Variants in FNDC3B observed in about 807,000 individuals in gnomAD.
The protein encoded by FNDC3B is fibronectin type III domain containing 3B.
A neutral mutation model predicts 151.5 loss-of-function variants in FNDC3B; 12 were observed. That is an observed-to-expected ratio of 0.08 (90% CI 0.05 to 0.13). The LOEUF is 0.13. Among genes scored for constraint, FNDC3B ranks in the 10% least tolerant of loss-of-function variants. FNDC3B has a pLI of 1.00. For synonymous variants in FNDC3B, 528 were observed against 549.0 expected, an observed-to-expected ratio of 0.96 and a Z score of 0.54; for missense variants, 1,214 against 1,505.3, an observed-to-expected ratio of 0.81 and a Z score of 3.20.
chr3:172,330,385 G>A (rs888123242), intron 12 of FNDC3B, 156 bp from the exon 13 acceptor site: 4 of 558,602 alleles, frequency 7.2e-6, no homozygotes, highest in South Asian at 5.4e-5. Context: ...AGCTGAAGGT[G>A]GTTATAGGGA....
At chr3:172,042,878 T>C (rs1227833638) in intron 1 of FNDC3B, among the ~76,000 whole-genome samples, 4 of 151,270 alleles carry the variant, frequency 2.6e-5, no homozygotes, top group Non-Finnish European at 5.9e-5. Context: ...TCGCCCAGGC[T>C]GGAGTGAGTG....
At chr3:172,133,360 A>G in intron 2 of FNDC3B, 111 bp from the exon 3 acceptor site, 1 of 827,084 alleles carries the variant, frequency 1.2e-6, no homozygotes, top group Non-Finnish European at 1.9e-6. Flanking sequence ...TTGTGTTTAT[A>G]AAAGATTTTA....
At chr3:172,338,379 A>C (rs933957083) in intron 16 of FNDC3B, 3 of 151,412 alleles carry the variant, frequency 2.0e-5, no homozygotes, top group African/African-American at 7.3e-5. Context: ...GGGAAGGTGG[A>C]GATAGTGAAA....
At chr3:172,229,434 T>C (rs1401850922) in intron 4 of FNDC3B, among the ~76,000 whole-genome samples, 1 of 152,040 alleles carries the variant, frequency 6.6e-6, no homozygotes, top group Non-Finnish European at 1.5e-5. Flanking sequence ...ATACACACTT[T>C]CATGTCCATT....
At chr3:172,145,746 A>G (rs1244475208) in intron 3 of FNDC3B, among the ~76,000 whole-genome samples, 1 of 152,004 alleles carries the variant, frequency 6.6e-6, no homozygotes, top group Non-Finnish European at 1.5e-5. Flanking sequence ...TGTTCTGTTG[A>G]GGAAGAGTAA....
chr3:172,145,778 G>T (rs922572827), intron 3 of FNDC3B, among the ~76,000 whole-genome samples: 4 of 149,738 alleles, frequency 2.7e-5, no homozygotes, highest in Non-Finnish European at 5.9e-5. Flanking sequence ...AGTATAAATT[G>T]TCTTTGAGTG....
At position 172,400,694 on chromosome 3, in the gene FNDC3B, C is replaced by A. The variant is rs1206968968; in HGVS notation, c.*3219C>A. ...TGCCCAATAAATGTTTTAATTCTTT[C>A]TGACTTAAATAGGGTTTTTCTGCCA... On this transcript the variant is annotated 3_prime_UTR_variant, in exon 26 of 26. Coordinates refer to ENST00000415807, the MANE Select transcript of FNDC3B (RefSeq NM_022763.4). 2.0e-5 allele frequency: 3 copies of A among 151,946 alleles called. No individual in the cohort carries two copies. The highest frequency in any genetic ancestry group is 4.4e-5 in the Non-Finnish European group (3 of 67,952). 9.4% of individuals were successfully genotyped at this position (151,946 alleles called of 1,614,324 possible).
At position 172,251,483 on chromosome 3, in the gene FNDC3B, T is replaced by G. The variant is rs1728075413; in HGVS notation, c.732T>G (p.Ile244Met). ...GCGGCAGCGGTAGTGGTCCCGGAAT[T>G]AAGAAAACAGAGCGACGAGCAAGAA... is the stretch of plus-strand genomic sequence containing the variant. ...GGGGSGSGPGIKKTERRARSS... is the reference protein window; with the variant it reads ...GGGGSGSGPGMKKTERRARSS... Residue 244 changes from isoleucine (I) to methionine (M), a missense_variant, in exon 6 of 26, where the codon ATT (isoleucine) becomes ATG (methionine). Ile to Met is a conservative substitution (Grantham distance 10). Transcript: ENST00000415807. 6.2e-7 allele frequency: 1 copy of G among 1,614,016 alleles called. No individual in the cohort carries two copies. Among genetic ancestry groups the G allele is most frequent in the Non-Finnish European group, 8.5e-7 (1 of 1,179,970 alleles).
intron 22 of FNDC3B, among the ~76,000 whole-genome samples, chr3:172,360,650 A>G (rs1734312084): frequency 6.6e-6 from 1 of 152,106 alleles, no homozygotes; most frequent in African/African-American, 2.4e-5. Context: ...CCTCCTATTG[A>G]TATCCAATTA....
At chr3:172,263,346 G>T (rs1728749404) in intron 6 of FNDC3B, among the ~76,000 whole-genome samples, 1 of 151,994 alleles carries the variant, frequency 6.6e-6, no homozygotes, top group South Asian at 2.1e-4. Flanking sequence ...TTTCAAACCA[G>T]GAGGGATGGA....
In FNDC3B at chr3:172,220,968, A is replaced by G. The variant is rs1008361695; in HGVS notation, c.188-5903A>G. On this transcript the variant is annotated intron_variant, in intron 3 of 25. Coordinates refer to ENST00000415807, the MANE Select transcript of FNDC3B (RefSeq NM_022763.4). ...AATCTTCTTTTTCATGCTACTATTTAGCAGTGTTTTGTAGTTTCAGTATAT... is the reference window on the plus strand; with the variant it reads ...AATCTTCTTTTTCATGCTACTATTTGGCAGTGTTTTGTAGTTTCAGTATAT... Among the ~76,000 whole-genome samples, 20 of 152,292 alleles carry G rather than the reference A, an allele frequency of 1.3e-4. No homozygotes were observed. In the South Asian group the frequency reaches 3.9e-3, roughly 30 times the overall value.
At position 172,307,360 on chromosome 3, in the gene FNDC3B, C is replaced by T; in HGVS notation, c.1062-3C>T. The T allele has an allele frequency of 6.2e-7, 1 of 1,614,024 alleles. No individual in the cohort carries two copies. Among genetic ancestry groups the T allele is most frequent in the South Asian group, 1.1e-5 (1 of 91,074 alleles). Reference sequence around the variant, plus strand: ...CCACTGACTGTGTCTGTTTTGTTTTCAGGGTGTATGCCATGTACAATTCCG... The same window carrying T: ...CCACTGACTGTGTCTGTTTTGTTTTTAGGGTGTATGCCATGTACAATTCCG... On this transcript the variant is annotated splice_polypyrimidine_tract_variant and splice_region_variant and intron_variant, in intron 9 of 25. Coordinates refer to ENST00000415807, the MANE Select transcript of FNDC3B (RefSeq NM_022763.4).
chr3:172,149,141 A>C (rs1190823203), intron 3 of FNDC3B, among the ~76,000 whole-genome samples: 1 of 152,150 alleles, frequency 6.6e-6, no homozygotes, highest in Non-Finnish European at 1.5e-5. Flanking sequence ...GTTTCCCTTC[A>C]CTGATACAAA....
chr3:172,155,998 T>C (rs574431504), intron 3 of FNDC3B, among the ~76,000 whole-genome samples: 18 of 152,288 alleles, frequency 1.2e-4, no homozygotes, highest in Non-Finnish European at 2.5e-4. Context: ...AGAAAAAAAA[T>C]TGCCCAGAGA....
rs113981921 is a variant in FNDC3B at position 172,144,240 on chromosome 3, C to T, written c.187+10694C>T. On this transcript the variant is annotated intron_variant, in intron 3 of 25. Transcript: ENST00000415807. ...ATCTCCTGTGCACTGAATGAGAACT[C>T]ACTCATCACCATGGGGATGGTGCTA... is the stretch of plus-strand genomic sequence containing the variant. 5.3e-3 allele frequency among the ~76,000 whole-genome samples: 801 copies of T among 152,236 alleles called. 3 individuals are homozygous for T. The highest frequency in any genetic ancestry group is 9.5e-3 in the Non-Finnish European group (645 of 68,018).
At position 172,401,612 on chromosome 3, in the gene FNDC3B, G is replaced by C. The variant is rs117004117; in HGVS notation, c.*4137G>C. The C allele has an allele frequency of 2.6e-5, 4 of 152,320 alleles. No homozygotes were observed. In the East Asian group the frequency reaches 7.7e-4, roughly 29 times the overall value. The allele number at this position is 152,320 out of a possible 1,614,324, so 9.4% of individuals were successfully genotyped here. Reference sequence around the variant, plus strand: ...TAGAGTGTTCATGTCCTTTCCTGCAGGTCTCATTCAACAACAACAACAACA... The same window carrying C: ...TAGAGTGTTCATGTCCTTTCCTGCACGTCTCATTCAACAACAACAACAACA... On this transcript the variant is annotated 3_prime_UTR_variant, in exon 26 of 26. Transcript: ENST00000415807.
At chr3:172,255,975 A>G (rs751627788) in intron 6 of FNDC3B, among the ~76,000 whole-genome samples, 1 of 152,186 alleles carries the variant, frequency 6.6e-6, no homozygotes, top group Non-Finnish European at 1.5e-5. Flanking sequence ...ATGGTTTAAG[A>G]TGTGTGATTA....
intron 1 of FNDC3B, among the ~76,000 whole-genome samples, chr3:172,067,228 G>A (rs924641529): frequency 6.6e-5 from 10 of 152,076 alleles, no homozygotes; most frequent in African/African-American, 2.4e-4. Flanking sequence ...AGACAGCAGT[G>A]GTATTTTTCT....
intron 2 of FNDC3B, among the ~76,000 whole-genome samples, chr3:172,128,790 T>C (rs186674891): frequency 3.9e-4 from 59 of 152,292 alleles, no homozygotes; most frequent in African/African-American, 1.4e-3. Flanking sequence ...AAGGGAGAAG[T>C]ATTCATTTAT....
Sources: gnomAD v4.1 joint callset for allele counts (sites outside exome capture counted in the v4.1 genomes callset) on GRCh38, gnomAD v4.1.1 for gene constraint, MANE v1.5 for transcripts, NCBI Gene and HGNC (gene_info 2026-07-23, HGNC 2026-07-21) for gene names.